The following UMAD1 variants were observed in gnomAD, a reference collection of about 807,000 sequenced individuals.
The protein encoded by UMAD1 is UBAP1-MVB12-associated (UMA)-domain containing protein 1.
In UMAD1, 8 loss-of-function variants were observed where a neutral mutation model predicts 6.1. The observed-to-expected ratio is 1.30, with a 90% CI of 0.76 to 2.35. UMAD1 has a LOEUF of 2.35. Among genes scored for constraint, UMAD1 ranks in the 30% most tolerant of loss-of-function variants. The pLI is 0.00. For missense variants in UMAD1, 130 were observed against 78.4 expected (o/e 1.66, Z -2.49); for synonymous variants, 56 against 31.4 (o/e 1.78, Z -2.61).
chr7:7,845,680 T>C (rs1783770147), intron 3 of UMAD1, among the ~76,000 whole-genome samples: 1 of 152,138 alleles, frequency 6.6e-6, no homozygotes, highest in South Asian at 2.1e-4. Context: ...TATTAGCTAT[T>C]CTTAAAATGG....
At chr7:7,732,043 A>G (rs1781269692) in intron 2 of UMAD1, among the ~76,000 whole-genome samples, 1 of 152,072 alleles carries the variant, frequency 6.6e-6, no homozygotes. Context: ...TGTTTTATAT[A>G]GTCAATTTTA....
intron 2 of UMAD1, among the ~76,000 whole-genome samples, chr7:7,737,727 TTACC>T (rs1234827201): frequency 6.6e-6 from 1 of 152,246 alleles, no homozygotes; most frequent in African/African-American, 2.4e-5. Context: ...TTTGCTTGAT[TTACC>T]TACCTAAGTT....
chr7:7,703,115 T>G (rs893334692), intron 2 of UMAD1, among the ~76,000 whole-genome samples: 3 of 152,216 alleles, frequency 2.0e-5, no homozygotes, highest in East Asian at 1.9e-4. Flanking sequence ...TGAATGACTC[T>G]TCATATAATT....
At chr7:7,744,995 T>C (rs930680915) in intron 2 of UMAD1, among the ~76,000 whole-genome samples, 1 of 152,210 alleles carries the variant, frequency 6.6e-6, no homozygotes, top group African/African-American at 2.4e-5. Context: ...TAGCCTACTG[T>C]TGACTGGAAG....
chr7:7,662,932 A>G (rs35278933), intron 1 of UMAD1, among the ~76,000 whole-genome samples: 26,701 of 152,182 alleles, frequency 0.18, 2,553 homozygotes, highest in Middle Eastern at 0.24. Context: ...ATAATTTTCA[A>G]TGGAAAGTTT....
chr7:7,665,842 T>A (rs150682007), intron 1 of UMAD1, among the ~76,000 whole-genome samples: 173 of 151,982 alleles, frequency 1.1e-3, no homozygotes, highest in African/African-American at 3.8e-3. Context: ...TTTTTTGAGA[T>A]CGTTGCATGT....
In UMAD1 at chr7:7,699,365, T is replaced by G. The variant is rs145925206; in HGVS notation, c.82+25912T>G. Among the ~76,000 whole-genome samples the G allele has an allele frequency of 1.6e-3, 238 of 152,354 alleles. 1 individual carries two copies. The highest frequency in any genetic ancestry group is 2.0e-3 in the Non-Finnish European group (134 of 68,032). On this transcript the variant is annotated intron_variant, in intron 2 of 3. Coordinates refer to ENST00000682710, the MANE Select transcript of UMAD1 (RefSeq NM_001302348.2). ...TCACTCATAAACTTGGACCTCAAGT[T>G]AAAAATTTAATATCCTTAGTTCCTT...
At chr7:7,736,210 A>G (rs1226232896) in intron 2 of UMAD1, 1 of 152,250 alleles carries the variant, frequency 6.6e-6, no homozygotes, top group Non-Finnish European at 1.5e-5. Context: ...AATGTTGCAT[A>G]TTATGACTTG....
At chr7:7,719,108 T>C (rs1171215965) in intron 2 of UMAD1, among the ~76,000 whole-genome samples, 1 of 152,198 alleles carries the variant, frequency 6.6e-6, no homozygotes, top group Non-Finnish European at 1.5e-5. Context: ...TCTGCATTTT[T>C]ATTAATTATC....
At chr7:7,838,866 A>T (rs1783621966) in intron 3 of UMAD1, among the ~76,000 whole-genome samples, 1 of 152,254 alleles carries the variant, frequency 6.6e-6, no homozygotes, top group Non-Finnish European at 1.5e-5. Context: ...TGAAATTCAA[A>T]ACATGCAAAG....
intron 2 of UMAD1, among the ~76,000 whole-genome samples, chr7:7,799,702 T>C (rs1782760778): frequency 6.6e-6 from 1 of 152,238 alleles, no homozygotes; most frequent in Non-Finnish European, 1.5e-5. Context: ...CTCAGGTTCC[T>C]GTGGTCTCAT....
chr7:7,744,591 C>CTGT (rs1781533899), intron 2 of UMAD1, among the ~76,000 whole-genome samples: 2 of 139,456 alleles, frequency 1.4e-5, no homozygotes, highest in Non-Finnish European at 1.6e-5. Context: ...CTAATTGTTA[C>CTGT]TGTTTTTTTT....
intron 3 of UMAD1, among the ~76,000 whole-genome samples, chr7:7,820,627 G>C (rs1253251549): frequency 6.6e-6 from 1 of 152,112 alleles, no homozygotes; most frequent in Non-Finnish European, 1.5e-5. Context: ...TAGCATGCGA[G>C]ACTTTAAGCT....
chr7:7,643,473 G>T (rs1478369852), intron 1 of UMAD1, among the ~76,000 whole-genome samples: 3 of 152,232 alleles, frequency 2.0e-5, no homozygotes, highest in Non-Finnish European at 4.4e-5. Context: ...CACTTTGGGA[G>T]GCTGAAGCGG....
At chr7:7,704,494 G>T (rs1383834500) in intron 2 of UMAD1, among the ~76,000 whole-genome samples, 1 of 151,214 alleles carries the variant, frequency 6.6e-6, no homozygotes, top group Non-Finnish European at 1.5e-5. Context: ...GGTGGCTCAT[G>T]CCTGTAATCC....
At chr7:7,731,491 C>CCCCCA (rs1554321024) in intron 2 of UMAD1, among the ~76,000 whole-genome samples, 11 of 134,506 alleles carry the variant, frequency 8.2e-5, no homozygotes, top group Non-Finnish European at 1.1e-4. Context: ...AACCCCCCCC[C>CCCCCA]AAAAAAAAAA....
At chr7:7,739,856 C>T (rs1781428576) in intron 2 of UMAD1, among the ~76,000 whole-genome samples, 2 of 152,172 alleles carry the variant, frequency 1.3e-5, no homozygotes, top group African/African-American at 2.4e-5. Context: ...GTGAAGAAGA[C>T]ATTCAGATTC....
At chr7:7,647,021 A>G (rs1256200728) in intron 1 of UMAD1, among the ~76,000 whole-genome samples, 1 of 152,158 alleles carries the variant, frequency 6.6e-6, no homozygotes, top group Non-Finnish European at 1.5e-5. Flanking sequence ...CAGTTACACT[A>G]GTTTTGTGAA....
At chr7:7,667,906 C>T (rs1026333377) in intron 1 of UMAD1, among the ~76,000 whole-genome samples, 1 of 152,138 alleles carries the variant, frequency 6.6e-6, no homozygotes, top group Non-Finnish European at 1.5e-5. Flanking sequence ...TGGACCAATA[C>T]TTAACCTAGT....
Sources: gnomAD v4.1 joint callset for allele counts (sites outside exome capture counted in the v4.1 genomes callset) on GRCh38, gnomAD v4.1.1 for gene constraint, MANE v1.5 for transcripts, NCBI Gene and HGNC (gene_info 2026-07-23, HGNC 2026-07-21) for gene names.